SLC7A11: variants seen among roughly 807,000 people sequenced by gnomAD.
The protein encoded by SLC7A11 is cystine/glutamate transporter.
A neutral mutation model predicts 54.5 loss-of-function variants in SLC7A11; 35 were observed. The ratio of observed to expected loss-of-function variants is 0.64; its 90% confidence interval spans 0.49 to 0.85. The LOEUF is 0.85. Among genes scored for constraint, SLC7A11 ranks in the 40% least tolerant of loss-of-function variants. The pLI, the probability that SLC7A11 is intolerant of heterozygous loss-of-function variation, is 0.00. For missense variants in SLC7A11, 583 were observed against 618.1 expected (o/e 0.94, Z 0.60); for synonymous variants, 230 against 225.2 (o/e 1.02, Z -0.19).
At chr4:138,179,475 G>A in intron 10 of SLC7A11, 81 bp from the exon 11 acceptor site, 1 of 1,220,068 alleles carries the variant, frequency 8.2e-7, no homozygotes, top group Non-Finnish European at 1.2e-6. Flanking sequence ...TGTCAGTCAT[G>A]ACATATACTT....
intron 8 of SLC7A11, 117 bp downstream of exon 8, chr4:138,183,085 T>C: frequency 1.4e-6 from 1 of 699,080 alleles, no homozygotes; most frequent in Non-Finnish European, 2.5e-6. Context: ...CAATCTTGCA[T>C]GTCCCTTTAA....
chr4:138,172,612 A>G (rs963017090), intron 11 of SLC7A11, among the ~76,000 whole-genome samples: 7 of 152,126 alleles, frequency 4.6e-5, no homozygotes, highest in African/African-American at 1.4e-4. Context: ...TCCTAGACCT[A>G]CTCAATTAGA....
At chr4:138,227,740 G>A (rs74691490) in intron 3 of SLC7A11, among the ~76,000 whole-genome samples, 2,930 of 152,242 alleles carry the variant, frequency 0.019, 39 homozygotes, top group East Asian at 0.036. Flanking sequence ...TCCCCTTGGT[G>A]TACCTAGTTC....
At chr4:138,196,677 TAGACAG>T (rs139701305) in intron 6 of SLC7A11, among the ~76,000 whole-genome samples, 12,863 of 152,050 alleles carry the variant, frequency 0.085, 561 homozygotes, top group Non-Finnish European at 0.098. Context: ...TATTATTTTT[TAGACAG>T]AGCCTCACTC....
chr4:138,210,339 G>C (rs915061714), intron 6 of SLC7A11, among the ~76,000 whole-genome samples: 5 of 151,942 alleles, frequency 3.3e-5, no homozygotes, highest in African/African-American at 1.2e-4. Context: ...CCTTGGGAGA[G>C]AATTTATGAC....
chr4:138,209,165 T>A (rs1003969640), intron 6 of SLC7A11, among the ~76,000 whole-genome samples: 4 of 152,034 alleles, frequency 2.6e-5, no homozygotes, highest in African/African-American at 4.8e-5. Flanking sequence ...CTAATCTAAA[T>A]TAATTATCAT....
chr4:138,181,481 A>G (rs917282054), intron 9 of SLC7A11, among the ~76,000 whole-genome samples: 1 of 152,100 alleles, frequency 6.6e-6, no homozygotes, highest in African/African-American at 2.4e-5. Context: ...GGAATAATAC[A>G]TTCTGTTCCC....
At position 138,170,271 on chromosome 4, in the gene SLC7A11, T is replaced by TATATATATAC. The variant is rs752680028; in HGVS notation, c.*1684_*1685insGTATATATAT. 1.1e-3 allele frequency: 96 copies of TATATATATAC among 86,212 alleles called. No individual in the cohort carries two copies. The highest frequency in any genetic ancestry group is 1.9e-3 in the African/African-American group (46 of 23,782). 5.3% of individuals were successfully genotyped at this position (86,212 alleles called of 1,614,324 possible). ...GTGTGTATATATATATATATATATATACACACACACACACACACACACATA... is the reference window on the plus strand; with the variant it reads ...GTGTGTATATATATATATATATATATATATATATACACACACACACACACACACACACATA... On this transcript the variant is annotated 3_prime_UTR_variant, in exon 12 of 12. Coordinates refer to ENST00000280612, the MANE Select transcript of SLC7A11 (RefSeq NM_014331.4).
intron 6 of SLC7A11, among the ~76,000 whole-genome samples, chr4:138,207,350 T>C (rs1737434088): frequency 6.6e-6 from 1 of 152,096 alleles, no homozygotes. Context: ...TGTTATTTTC[T>C]AGCGACTATT....
intron 1 of SLC7A11, among the ~76,000 whole-genome samples, chr4:138,239,246 G>C (rs1448818463): frequency 6.6e-6 from 1 of 152,150 alleles, no homozygotes; most frequent in Non-Finnish European, 1.5e-5. Context: ...ATGCTTTACT[G>C]AAACTCCAGG....
chr4:138,225,366 AT>A (rs1206080972), intron 3 of SLC7A11, among the ~76,000 whole-genome samples: 1 of 151,844 alleles, frequency 6.6e-6, no homozygotes, highest in Non-Finnish European at 1.5e-5. Context: ...TAACGAAGAA[AT>A]ATTTCAAAGG....
rs1352444297 is a variant in SLC7A11, at chr4:138,236,368, A to G, written c.361T>C (p.Leu121=). 28 of 1,613,558 alleles carry G rather than the reference A, an allele frequency of 1.7e-5. No homozygotes were observed. Among genetic ancestry groups the G allele is most frequent in the Middle Eastern group, 1.6e-4 (1 of 6,078 alleles). The change falls in exon 2 of 12, where the codon TTA becomes CTA. Residue 121 remains leucine, a synonymous_variant. Coordinates refer to ENST00000280612, the MANE Select transcript of SLC7A11 (RefSeq NM_014331.4). ...YTYILEVFGP[L]PAFVRVWVEL... The stretch of plus-strand genomic sequence containing the variant: ...ACCCAGACTCGTACAAAAGCTGGTA[A>G]TGGACCAAAGACTTCCAAAATATAT...
At chr4:138,206,445 A>G (rs1737408286) in intron 6 of SLC7A11, among the ~76,000 whole-genome samples, 1 of 151,368 alleles carries the variant, frequency 6.6e-6, no homozygotes, top group Non-Finnish European at 1.5e-5. Context: ...ATAAAACTCA[A>G]TGAGATTAAA....
At chr4:138,177,895 C>A (rs954842719) in intron 11 of SLC7A11, 2 of 152,120 alleles carry the variant, frequency 1.3e-5, no homozygotes, top group African/African-American at 4.8e-5. Flanking sequence ...TCTTCAGAAT[C>A]CCCCTCAATT....
intron 9 of SLC7A11, 25 bp downstream of exon 9, chr4:138,182,272 A>C: frequency 1.4e-6 from 2 of 1,389,160 alleles, no homozygotes; most frequent in African/African-American, 2.8e-5. Flanking sequence ...GGTTATATCT[A>C]GATATACTTG....
chr4:138,219,123 C>T (rs767496851), intron 5 of SLC7A11, 143 bp downstream of exon 5: 5 of 568,814 alleles, frequency 8.8e-6, no homozygotes, highest in Non-Finnish European at 1.2e-5. Flanking sequence ...GGGGATAATA[C>T]CTTATTTCTC....
At chr4:138,222,617 C>A (rs996578670) in intron 4 of SLC7A11, among the ~76,000 whole-genome samples, 1 of 152,068 alleles carries the variant, frequency 6.6e-6, no homozygotes, top group Non-Finnish European at 1.5e-5. Context: ...AGCAAGTAAT[C>A]GCAGAAATGC....
At chr4:138,232,506 G>A in intron 2 of SLC7A11, 124 bp from the exon 3 acceptor site, 1 of 630,562 alleles carries the variant, frequency 1.6e-6, no homozygotes, top group South Asian at 2.0e-5. Flanking sequence ...ATAGTTTTCA[G>A]AATTCCGTAC....
In SLC7A11 at chr4:138,191,544, G is replaced by A. The variant is rs187316568; in HGVS notation, c.792-6300C>T. Reference sequence around the variant, plus strand: ...TGCAGCAAAGCCACATAGAAAAATGGCCAGAAGGGTCACTCTTAGCCACCA... The same window carrying A: ...TGCAGCAAAGCCACATAGAAAAATGACCAGAAGGGTCACTCTTAGCCACCA... On this transcript the variant is annotated intron_variant, in intron 6 of 11. Coordinates refer to ENST00000280612, the MANE Select transcript of SLC7A11 (RefSeq NM_014331.4). Among the ~76,000 whole-genome samples the A allele has an allele frequency of 1.6e-4, 24 of 152,176 alleles. No individual in the cohort carries two copies. In the South Asian group the frequency reaches 1.7e-3, roughly 11 times the overall value.
Sources: gnomAD v4.1 joint callset for allele counts (sites outside exome capture counted in the v4.1 genomes callset) on GRCh38, gnomAD v4.1.1 for gene constraint, MANE v1.5 for transcripts, NCBI Gene and HGNC (gene_info 2026-07-23, HGNC 2026-07-21) for gene names.